Variants in NOTCH2 observed in about 807,000 individuals in gnomAD.
NOTCH2 encodes the protein notch receptor 2, also known as neurogenic locus notch homolog protein 2.
In NOTCH2, 29 loss-of-function variants were observed where a neutral mutation model predicts 235.8. The ratio of observed to expected loss-of-function variants is 0.12; its 90% confidence interval spans 0.09 to 0.17. The LOEUF (loss-of-function observed/expected upper bound fraction) is 0.17. Ranked by LOEUF, NOTCH2 falls within the 10% of genes least tolerant of loss-of-function variation. The pLI is 1.00. For missense variants in NOTCH2, 2,285 were observed against 3,150.2 expected, an observed-to-expected ratio of 0.73 and a Z score of 6.57; for synonymous variants, 1,086 against 1,141.5, an observed-to-expected ratio of 0.95 and a Z score of 0.98.
intron 22 of NOTCH2, among the ~76,000 whole-genome samples, chr1:119,931,101 T>TCAA (rs782359839): frequency 8.7e-5 from 12 of 138,314 alleles, no homozygotes; most frequent in African/African-American, 2.9e-4. Flanking sequence ...AGACTCTGTC[T>TCAA]TAAAAAAAAA....
At chr1:119,968,404 A>G (rs1268910706) in intron 6 of NOTCH2, among the ~76,000 whole-genome samples, 172 bp from the exon 7 acceptor site, 2 of 152,176 alleles carry the variant, frequency 1.3e-5, no homozygotes, top group Admixed American at 6.5e-5. Context: ...ATGCTTGGCC[A>G]CCAGCAAAGC....
intron 19 of NOTCH2, 108 bp downstream of exon 19, chr1:119,940,447 G>A: frequency 9.9e-7 from 1 of 1,006,034 alleles, no homozygotes; most frequent in East Asian, 2.4e-5. Context: ...GAATCCCTGA[G>A]ATCCACAATT....
At chr1:119,931,653 C>A (rs1419260512) in intron 22 of NOTCH2, among the ~76,000 whole-genome samples, 1 of 151,978 alleles carries the variant, frequency 6.6e-6, no homozygotes, top group Admixed American at 6.6e-5. Flanking sequence ...AAGGTGCCAT[C>A]TCAAATCATT....
intron 5 of NOTCH2, among the ~76,000 whole-genome samples, chr1:119,977,741 G>A (rs1373250710): frequency 3.3e-5 from 5 of 152,206 alleles, no homozygotes; most frequent in African/African-American, 4.8e-5. Context: ...GGTACACACT[G>A]AAGAAAAATA....
chr1:119,969,424 A>G, intron 6 of NOTCH2, 87 bp downstream of exon 6: 2 of 1,103,946 alleles, frequency 1.8e-6, no homozygotes, highest in Non-Finnish European at 2.7e-6. Flanking sequence ...AACTCAAAGA[A>G]TATGCTGTTT....
intron 22 of NOTCH2, chr1:119,935,152 T>G: frequency 1.6e-6 from 2 of 1,232,292 alleles, no homozygotes; most frequent in Non-Finnish European, 2.0e-6. Flanking sequence ...TTAGTTGCTT[T>G]TCTGTGAAGC....
At chr1:119,979,837 G>A (rs1553201430) in intron 5 of NOTCH2, among the ~76,000 whole-genome samples, 1 of 152,108 alleles carries the variant, frequency 6.6e-6, no homozygotes, top group Admixed American at 6.6e-5. Flanking sequence ...AAAGCTATGA[G>A]AAGTATGCTA....
chr1:119,936,431 T>C (rs1249630093), intron 21 of NOTCH2, among the ~76,000 whole-genome samples: 3 of 152,190 alleles, frequency 2.0e-5, no homozygotes, highest in South Asian at 2.1e-4. Flanking sequence ...CTAGCAGATT[T>C]TGGCTGCAGT....
At chr1:120,047,667 G>C (rs1553213826) in intron 1 of NOTCH2, among the ~76,000 whole-genome samples, 20 of 145,408 alleles carry the variant, frequency 1.4e-4, no homozygotes, top group East Asian at 2.1e-4. Flanking sequence ...CTGGGTGACA[G>C]AGTGAGGCCC....
chr1:119,933,217 T>C (rs1649729119), intron 22 of NOTCH2, among the ~76,000 whole-genome samples: 1 of 152,156 alleles, frequency 6.6e-6, no homozygotes, highest in Non-Finnish European at 1.5e-5. Context: ...GAGGCAGAAC[T>C]GTTACATTTA....
At position 119,938,007 on chromosome 1, in the gene NOTCH2, G is replaced by A. The variant is rs990887202; in HGVS notation, c.3187C>T (p.Leu1063=). Residue 1063 remains leucine, a synonymous_variant, in exon 20 of 34, where the codon CTG becomes TTG. Coordinates refer to ENST00000256646, the MANE Select transcript of NOTCH2 (RefSeq NM_024408.4). The stretch of plus-strand genomic sequence containing the variant: ...GGAGACCGACTGCAGAGATTCACCA[G>A]GGTCTGAAACAGAGGCAGGGGTGTA... ...LGYTGKNCQT[L]VNLCSRSPCK... The A allele has an allele frequency of 6.2e-6, 10 of 1,614,028 alleles. No homozygotes were observed. In the African/African-American group the frequency reaches 1.1e-4, roughly 17 times the overall value.
At chr1:120,051,286 CAG>C (rs1330691097) in intron 1 of NOTCH2, among the ~76,000 whole-genome samples, 3 of 100,716 alleles carry the variant, frequency 3.0e-5, no homozygotes, top group Admixed American at 8.9e-5. Flanking sequence ...CACACACACA[CAG>C]AGTTAAATCA....
In NOTCH2 at chr1:119,922,294, G is replaced by A. The variant is rs1195210396; in HGVS notation, c.5155C>T (p.Arg1719Ter). ...LWLPEGFTLR[R>*]DASNHKRREP... ...CGACGCTTGTGATTGCTTGCATCTC[G>A]GCGAAGAGTGAAACCTTCAGGCAGC... The change falls in exon 28 of 34, where the codon CGA (arginine) becomes TGA (stop). Residue 1719 changes from arginine (R) to a stop codon, truncating the protein, a stop_gained. Coordinates refer to ENST00000256646, the MANE Select transcript of NOTCH2 (RefSeq NM_024408.4). LOFTEE classifies it high-confidence loss of function. 2 of 1,614,076 alleles carry A rather than the reference G, an allele frequency of 1.2e-6. No homozygotes were observed. The highest frequency in any genetic ancestry group is 1.7e-6 in the Non-Finnish European group (2 of 1,180,020).
intron 1 of NOTCH2, among the ~76,000 whole-genome samples, chr1:120,040,957 A>C (rs2487606): frequency 3.0e-4 from 43 of 141,622 alleles, no homozygotes; most frequent in South Asian, 9.6e-4. Flanking sequence ...AGGAGAATGG[A>C]ATGAACCCGG....
intron 22 of NOTCH2, chr1:119,935,237 C>T: frequency 7.1e-7 from 1 of 1,417,746 alleles, no homozygotes; most frequent in Non-Finnish European, 9.2e-7. Context: ...TTCTGTGTTT[C>T]ATGGAATATC....
At chr1:119,967,027 G>T (rs1651164897) in intron 8 of NOTCH2, among the ~76,000 whole-genome samples, 1 of 152,146 alleles carries the variant, frequency 6.6e-6, no homozygotes. Flanking sequence ...AACTAAACAT[G>T]TACTGCACTT....
At chr1:120,002,861 G>T (rs1466443806) in intron 3 of NOTCH2, among the ~76,000 whole-genome samples, 1 of 149,006 alleles carries the variant, frequency 6.7e-6, no homozygotes, top group African/African-American at 2.6e-5. Flanking sequence ...ATGAAGAATA[G>T]TTGTACTACA....
rs1553195843 is a variant in NOTCH2, at chr1:119,937,302, T to G, written c.3502A>C (p.Ile1168Leu). Residue 1168 changes from isoleucine (I) to leucine (L), a missense_variant, in exon 21 of 34, where the codon ATT becomes CTT. Ile to Leu is a conservative substitution (Grantham distance 5). Around this residue, in one of 6 missense-constraint regions of NOTCH2, gnomAD observed 1,173 missense variants for 1,515.3 expected, o/e 0.77. Coordinates refer to ENST00000256646, the MANE Select transcript of NOTCH2 (RefSeq NM_024408.4). ...CTCACCTCGCATCTGTATCCACCAATGAAGTCACTGCATGTTGCCCCGTGC... is the reference window on the plus strand; with the variant it reads ...CTCACCTCGCATCTGTATCCACCAAGGAAGTCACTGCATGTTGCCCCGTGC... ...CQHGATCSDF[I>L]GGYRCECVPG... The G allele has an allele frequency of 1.2e-6, 2 of 1,613,544 alleles. No individual in the cohort carries two copies. The highest frequency in any genetic ancestry group is 3.3e-5 in the Admixed American group (2 of 60,002).
intron 28 of NOTCH2, 143 bp from the exon 29 acceptor site, chr1:119,921,952 T>A: frequency 3.8e-6 from 3 of 782,436 alleles, no homozygotes; most frequent in Non-Finnish European, 6.4e-6. Flanking sequence ...GCAGTATTTT[T>A]GGTGACATTC....
Sources: gnomAD v4.1 joint callset for allele counts (sites outside exome capture counted in the v4.1 genomes callset) on GRCh38, gnomAD v4.1.1 for gene constraint, gnomAD v4.1.1 regional missense constraint, MANE v1.5 for transcripts, NCBI Gene and HGNC (gene_info 2026-07-23, HGNC 2026-07-21) for gene names.